ABCA2: variants seen among roughly 807,000 people sequenced by gnomAD.
ABCA2 encodes ATP binding cassette subfamily A member 2, also known as ATP-binding cassette sub-family A member 2.
ABCA2 carries 84 observed loss-of-function variants against 262.8 expected under a neutral mutation model. The observed-to-expected ratio is 0.32, with a 90% CI of 0.27 to 0.38. The LOEUF (loss-of-function observed/expected upper bound fraction) is 0.38. Ranked by LOEUF, ABCA2 falls within the 10% of genes least tolerant of loss-of-function variation. The pLI is 1.00. For synonymous variants in ABCA2, 1,696 were observed against 1,502.9 expected, an observed-to-expected ratio of 1.13 and a Z score of -2.97; for missense variants, 2,662 against 3,405.9, an observed-to-expected ratio of 0.78 and a Z score of 5.44.
Position 137,015,413 on chromosome 9 carries a change from C to T in ABCA2, c.3697+1G>A. 1 of 1,559,078 alleles carries T rather than the reference C, an allele frequency of 6.4e-7. No homozygotes were observed. Among genetic ancestry groups the T allele is most frequent in the Non-Finnish European group, 8.7e-7 (1 of 1,152,924 alleles). On this transcript the variant is annotated splice_donor_variant, in intron 24 of 48. Transcript: ENST00000341511. LOFTEE classifies it high-confidence loss of function. ...CCAGCTCAGGCAGCTTCAACACAGA[C>T]CTTGGGGGCCCCCCGGCTCGGCGGG...
At position 137,020,803 on chromosome 9, in the gene ABCA2, C is replaced by T. The variant is rs759704532; in HGVS notation, c.1156G>A (p.Gly386Ser). 7.6e-6 allele frequency: 12 copies of T among 1,579,292 alleles called. No homozygotes were observed. In the South Asian group the frequency reaches 1.3e-4, roughly 16 times the overall value. ...VMGPNATAEE[G>S]APSAAALATP... ...GCCAGTGCTGCAGCAGAGGGTGCGCCCTCCTCAGCGGTGGCGTTGGGGCCC... is the reference window on the plus strand; with the variant it reads ...GCCAGTGCTGCAGCAGAGGGTGCGCTCTCCTCAGCGGTGGCGTTGGGGCCC... Residue 386 changes from glycine to serine, a missense_variant, in exon 9 of 49, where the codon GGC becomes AGC. Around this residue, in one of 12 missense-constraint regions of ABCA2, gnomAD observed 403 missense variants for 375.9 expected, o/e 1.07. Transcript: ENST00000341511.
chr9:137,014,923 C>T lies in ABCA2; in HGVS notation c.3872G>A (p.Arg1291His), dbSNP rs371793453. 28 of 1,567,736 alleles carry T rather than the reference C, an allele frequency of 1.8e-5. No homozygotes were observed. Among genetic ancestry groups the T allele is most frequent in the East Asian group, 4.5e-5 (2 of 44,282 alleles). Residue 1291 changes from arginine (R) to histidine (H), a missense_variant, in exon 25 of 49, where the codon CGC becomes CAC. By Grantham distance (29) the Arg-to-His change is conservative (BLOSUM62 0). Around this residue, in one of 12 missense-constraint regions of ABCA2, gnomAD observed 297 missense variants for 286.5 expected, o/e 1.04. Coordinates refer to ENST00000341511, the MANE Select transcript of ABCA2 (RefSeq NM_001606.5). The part of the protein sequence containing the change: ...SEAAKKGAFE[R>H]LFQHLERSLD... ...CGTGCGCCCTCACACCTGGAAGAGG[C>T]GCTCGAAAGCCCCCTTCTTGGCGGC...
In ABCA2 at chr9:137,017,953, C is replaced by A; in HGVS notation, c.2096+20G>T. 6.2e-7 allele frequency: 1 copy of A among 1,612,380 alleles called. No individual in the cohort carries two copies. The highest frequency in any genetic ancestry group is 8.5e-7 in the Non-Finnish European group (1 of 1,179,762). On this transcript the variant is annotated intron_variant, in intron 15 of 48. Transcript: ENST00000341511. ...ACTCAGCCCCAGCCCCAGCCCCAGC[C>A]CCGGGCGCCCAGCACTCACTCATCG...
In ABCA2 at chr9:137,017,766, GGA is replaced by G. The variant is rs1831313470; in HGVS notation, c.2211+19_2211+20del. 6.2e-7 allele frequency: 1 copy of G among 1,611,480 alleles called. No homozygotes were observed. The highest frequency in any genetic ancestry group is 8.5e-7 in the Non-Finnish European group (1 of 1,179,232). On this transcript the variant is annotated intron_variant, in intron 16 of 48. Transcript: ENST00000341511. ...CCTCCCTGCCAGCCCGCGCCTCCAG[GGA>G]GAGTCCCGGCCCGCGCACCTCCTTG... is the stretch of plus-strand genomic sequence containing the variant.
rs375003196 is a variant in ABCA2, at chr9:137,017,612, G to A, written c.2292C>T (p.Ser764=). 33 of 1,612,760 alleles carry A rather than the reference G, an allele frequency of 2.0e-5. No individual in the cohort carries two copies. The highest frequency in any genetic ancestry group is 4.5e-5 in the East Asian group (2 of 44,882). The part of the protein sequence containing the change: ...FITGFVQLSI[S]VTALTAILKY... ...TCAGGATGGCGGTGAGTGCTGTCAC[G>A]GAGATGGACAGCTGCACAAAGCCGG... The change falls in exon 17 of 49, where the codon TCC becomes TCT. Residue 764 remains serine, a synonymous_variant. Coordinates refer to ENST00000341511, the MANE Select transcript of ABCA2 (RefSeq NM_001606.5).
rs759894852 is a variant in ABCA2, at chr9:137,010,041, C to T, written c.6437G>A (p.Arg2146Gln). The T allele has an allele frequency of 1.0e-5, 16 of 1,600,806 alleles. No individual in the cohort carries two copies. Among genetic ancestry groups the T allele is most frequent in the Admixed American group, 1.7e-5 (1 of 58,950 alleles). Residue 2146 changes from arginine (R) to glutamine (Q), a missense_variant, in exon 42 of 49, where the codon CGG becomes CAG. By Grantham distance (43) the Arg-to-Gln change is conservative (BLOSUM62 1). This residue lies in a region of ABCA2 where 602 missense variants were observed against 897.4 expected (regional missense o/e 0.67). Transcript: ENST00000341511. ...CCGCGTGTACAGCTGCAGGTGCTCCCGGGCCGTGAGCTCGTCGAACAGCGC... is the reference window on the plus strand; with the variant it reads ...CCGCGTGTACAGCTGCAGGTGCTCCTGGGCCGTGAGCTCGTCGAACAGCGC... Reference protein sequence around the residue: ...CDALFDELTAREHLQLYTRLR... With the variant: ...CDALFDELTAQEHLQLYTRLR...
intron 24 of ABCA2, 67 bp from the exon 25 acceptor site, chr9:137,015,164 C>A (rs2271865): frequency 6.7e-7 from 1 of 1,494,226 alleles, no homozygotes; most frequent in African/African-American, 1.4e-5. Flanking sequence ...CCAATGGGAA[C>A]CCAACTGGGT....
upstream of ABCA2, chr9:137,028,408 G>C (rs1481445310): frequency 2.2e-6 from 1 of 453,720 alleles, no homozygotes; most frequent in African/African-American, 2.2e-5. The surrounding 1 kb of genome is among the most constrained non-coding windows in gnomAD (Gnocchi z 6.9). Context: ...GACCGACCCG[G>C]GCCCGAGACC....
rs754072319 is a variant in ABCA2, at chr9:137,020,744, G to A, written c.1215C>T (p.Ala405=). Reference sequence around the variant, plus strand: ...GCAGGCCGGCCCAGAGCTGTACGAAGGCTGAGCACTGGCCCTGCAGCGTGT... The same window carrying A: ...GCAGGCCGGCCCAGAGCTGTACGAAAGCTGAGCACTGGCCCTGCAGCGTGT... ...TPDTLQGQCS[A]FVQLWAGLQP... is the part of the protein sequence containing the mutation. Residue 405 remains alanine, a synonymous_variant, in exon 9 of 49, where the codon GCC becomes GCT. Coordinates refer to ENST00000341511, the MANE Select transcript of ABCA2 (RefSeq NM_001606.5). The A allele has an allele frequency of 2.1e-5, 34 of 1,602,180 alleles. No individual in the cohort carries two copies. Among genetic ancestry groups the A allele is most frequent in the Non-Finnish European group, 2.9e-5 (34 of 1,178,912 alleles).
chr9:137,015,439 C>A lies in ABCA2; in HGVS notation c.3672G>T (p.Arg1224=). 6.4e-7 allele frequency: 1 copy of A among 1,568,986 alleles called. No homozygotes were observed. The highest frequency in any genetic ancestry group is 8.6e-7 in the Non-Finnish European group (1 of 1,159,896). ...GDGYRLTLVK[R]PAEPGGPQEP... ...CTTGGGGGCCCCCCGGCTCGGCGGG[C>A]CGCTTGACCAGCGTGAGGCGGTACC... is the stretch of plus-strand genomic sequence containing the variant. The change falls in exon 24 of 49, where the codon CGG becomes CGT. Residue 1224 remains arginine (R), a synonymous_variant. Coordinates refer to ENST00000341511, the MANE Select transcript of ABCA2 (RefSeq NM_001606.5).
chr9:137,009,750 C>T lies in ABCA2; in HGVS notation c.6630+19G>A, dbSNP rs759680649. The T allele has an allele frequency of 1.2e-6, 2 of 1,609,024 alleles. No homozygotes were observed. Among genetic ancestry groups the T allele is most frequent in the Non-Finnish European group, 1.7e-6 (2 of 1,177,120 alleles). ...AAGTCAAAGGCCAGGCAGCCACCCC[C>T]CACCCACCCAGGACTTACCAGGAAG... On this transcript the variant is annotated intron_variant, in intron 43 of 48. Coordinates refer to ENST00000341511, the MANE Select transcript of ABCA2 (RefSeq NM_001606.5).
In ABCA2 at chr9:137,010,966, C is replaced by A. The variant is rs749419248; in HGVS notation, c.6056+7G>T. 14 of 1,522,824 alleles carry A rather than the reference C, an allele frequency of 9.2e-6. No homozygotes were observed. Among genetic ancestry groups the A allele is most frequent in the African/African-American group, 4.2e-5 (3 of 70,980 alleles). The allele number at this position is 1,522,824 out of a possible 1,614,324, so 94.3% of individuals were successfully genotyped here. On this transcript the variant is annotated splice_region_variant and intron_variant, in intron 39 of 48. Transcript: ENST00000341511. The stretch of plus-strand genomic sequence containing the variant: ...CCCGCCCCCGCCCCACCCCGCCCCC[C>A]ACTCACTGTGGCCGCCGCAGGAAGT...
chr9:137,010,547 C>T (rs750071223), intron 40 of ABCA2, 73 bp downstream of exon 40: 3 of 1,542,798 alleles, frequency 1.9e-6, no homozygotes, highest in Non-Finnish European at 2.7e-6. Flanking sequence ...GGCTCCACCT[C>T]CACTGCTGGG....
chr9:137,013,429 C>T (rs780519418), intron 29 of ABCA2, 32 bp downstream of exon 29: 1 of 1,578,718 alleles, frequency 6.3e-7, no homozygotes, highest in East Asian at 2.3e-5. Context: ...ACTCGCCCCA[C>T]CCACCAAGGC....
chr9:137,024,490 C>T (rs909947397), intron 1 of ABCA2, among the ~76,000 whole-genome samples: 1 of 152,220 alleles, frequency 6.6e-6, no homozygotes, highest in Admixed American at 6.5e-5. Flanking sequence ...TGAGGAGCCT[C>T]AGGGCCTACA....
intron 1 of ABCA2, among the ~76,000 whole-genome samples, chr9:137,025,019 C>T (rs1023374818): frequency 1.4e-3 from 207 of 152,094 alleles, no homozygotes; most frequent in African/African-American, 4.7e-3. Flanking sequence ...AGGATGGTGT[C>T]GATCTCCTGA....
rs763885847 is a variant in ABCA2, at chr9:137,011,877, G to A, written c.5502C>T (p.Ile1834=). 2.5e-6 allele frequency: 4 copies of A among 1,609,418 alleles called. No individual in the cohort carries two copies. The highest frequency in any genetic ancestry group is 3.4e-6 in the Non-Finnish European group (4 of 1,178,406). The change falls in exon 35 of 49, where the codon ATC becomes ATT. Residue 1834 remains isoleucine (I), a synonymous_variant. Transcript: ENST00000341511. The surrounding 1 kb of genome is among the most constrained non-coding windows in gnomAD (Gnocchi z 8.8). ...HLQFVSGCNP[I]IYWLANYVWD... is the part of the protein sequence containing the mutation. ...ACACGTAGTTCGCCAGCCAGTAGAT[G>A]ATGGGGTTGCAGCCGCTGACAAACT...
In ABCA2 at chr9:137,009,010, G is replaced by T; in HGVS notation, c.6871C>A (p.Gln2291Lys). 2 of 1,606,570 alleles carry T rather than the reference G, an allele frequency of 1.2e-6. No individual in the cohort carries two copies. The part of the protein sequence containing the change: ...YMITVRTKSS[Q>K]SVKDVVRFFN... Reference sequence around the variant, plus strand: ...AACCGCACCACGTCCTTCACACTCTGGCTGCTCTTGGTCCGCACCGTGATC... The same window carrying T: ...AACCGCACCACGTCCTTCACACTCTTGCTGCTCTTGGTCCGCACCGTGATC... The change falls in exon 46 of 49, where the codon CAG becomes AAG. Residue 2291 changes from glutamine to lysine, a missense_variant. This residue lies in a region of ABCA2 where 212 missense variants were observed against 214.4 expected (regional missense o/e 0.99). Coordinates refer to ENST00000341511, the MANE Select transcript of ABCA2 (RefSeq NM_001606.5).
In ABCA2 at chr9:137,012,874, C is replaced by A; in HGVS notation, c.4919G>T (p.Arg1640Leu). The change falls in exon 31 of 49, where the codon CGC (arginine) becomes CTC (leucine). Residue 1640 changes from arginine to leucine, a missense_variant. Arg to Leu is a moderately radical substitution (Grantham distance 102). Transcript: ENST00000341511. ...GGTGCCCTGCGCAGAGCAGGTGCAG[C>A]GGACGGGCTCCCGTACCAGGCGCGG... is the stretch of plus-strand genomic sequence containing the variant. ...SLPRLVREPV[R>L]CTCSAQGTGF... The A allele has an allele frequency of 6.3e-7, 1 of 1,585,710 alleles. No individual in the cohort carries two copies. The highest frequency in any genetic ancestry group is 8.6e-7 in the Non-Finnish European group (1 of 1,164,254).
Sources: allele counts gnomAD v4.1 joint callset (sites outside exome capture counted in the v4.1 genomes callset), GRCh38; gene constraint gnomAD v4.1.1; regional missense constraint gnomAD v4.1.1; non-coding constraint Gnocchi (gnomAD v3.1); transcripts MANE v1.5; gene names NCBI Gene and HGNC (gene_info 2026-07-23, HGNC 2026-07-21).